The following TPP2 variants were observed in gnomAD, a reference collection of about 807,000 sequenced individuals.
The protein encoded by TPP2 is tripeptidyl peptidase 2.
In TPP2, 34 loss-of-function variants were observed where a neutral mutation model predicts 155.9. That is an observed-to-expected ratio of 0.22 (90% CI 0.17 to 0.29). TPP2 has a LOEUF of 0.29. Ranked by LOEUF, TPP2 falls within the 10% of genes least tolerant of loss-of-function variation. The pLI, the probability that TPP2 is intolerant of heterozygous loss-of-function variation, is 1.00. For missense variants in TPP2, 1,028 were observed against 1,522.3 expected, an observed-to-expected ratio of 0.68 and a Z score of 5.40; for synonymous variants, 510 against 529.4, an observed-to-expected ratio of 0.96 and a Z score of 0.50.
chr13:102,603,831 G>A (rs1879612059), intron 1 of TPP2, among the ~76,000 whole-genome samples: 1 of 151,894 alleles, frequency 6.6e-6, no homozygotes, highest in Admixed American at 6.5e-5. Flanking sequence ...CACTCAGCCT[G>A]TATTACTTTT....
chr13:102,672,038 T>G (rs959433586), intron 27 of TPP2, among the ~76,000 whole-genome samples: 1 of 152,150 alleles, frequency 6.6e-6, no homozygotes, highest in Non-Finnish European at 1.5e-5. Context: ...TCTCTTCACC[T>G]TCATTTTCGA....
chr13:102,624,284 G>A (rs933279049), intron 6 of TPP2, among the ~76,000 whole-genome samples: 1 of 152,118 alleles, frequency 6.6e-6, no homozygotes, highest in Non-Finnish European at 1.5e-5. Context: ...TCCCAGGGTA[G>A]GGGGAAAAAG....
Position 102,645,026 on chromosome 13 carries a change from T to C in TPP2, c.2393+17T>C. 1.2e-6 allele frequency: 2 copies of C among 1,607,790 alleles called. No homozygotes were observed. Among genetic ancestry groups the C allele is most frequent in the Non-Finnish European group, 1.7e-6 (2 of 1,175,046 alleles). ...AACACTGCGGTATCATTCAATGTTT[T>C]AGGAACTACAGATATTGAATATAGA... On this transcript the variant is annotated intron_variant, in intron 19 of 29. Transcript: ENST00000376052.
chr13:102,674,311 G>T lies in TPP2; in HGVS notation c.3400G>T (p.Val1134Leu), dbSNP rs375137754. 6.2e-7 allele frequency: 1 copy of T among 1,613,600 alleles called. No individual in the cohort carries two copies. The highest frequency in any genetic ancestry group is 2.2e-5 in the East Asian group (1 of 44,870). The change falls in exon 28 of 30, where the codon GTA (valine) becomes TTA (leucine). Residue 1134 changes from valine (V) to leucine (L), a missense_variant. Physicochemically the swap from Val to Leu is conservative, Grantham distance 32. Transcript: ENST00000376052. ...CATGGACAAACAAAAATCCACCCTCGTAGATGCCCTTTGTAGGAAAGGTTG... is the reference window on the plus strand; with the variant it reads ...CATGGACAAACAAAAATCCACCCTCTTAGATGCCCTTTGTAGGAAAGGTTG... ...NDMDKQKSTL[V>L]DALCRKGCAL... is the part of the protein sequence containing the mutation.
At position 102,604,928 on chromosome 13, in the gene TPP2, C is replaced by A. The variant is rs765360360; in HGVS notation, c.294+7C>A. Reference sequence around the variant, plus strand: ...TTCAGGAAGAGTGCTTAAGGTGAGACCTTTTGTCTTCTTTTTGAATTTTTT... The same window carrying A: ...TTCAGGAAGAGTGCTTAAGGTGAGAACTTTTGTCTTCTTTTTGAATTTTTT... On this transcript the variant is annotated splice_region_variant and intron_variant, in intron 2 of 29. Transcript: ENST00000376052. 1.3e-6 allele frequency: 2 copies of A among 1,598,244 alleles called. No homozygotes were observed. The highest frequency in any genetic ancestry group is 2.7e-5 in the African/African-American group (2 of 73,600).
chr13:102,642,602 G>C (rs528413700), intron 16 of TPP2, among the ~76,000 whole-genome samples: 18 of 152,170 alleles, frequency 1.2e-4, no homozygotes, highest in African/African-American at 3.9e-4. Flanking sequence ...TATGAGCCAC[G>C]GCATTGCGCC....
rs982541083 is a variant in TPP2 at position 102,608,337 on chromosome 13, G to A, written c.294+3416G>A. 9.2e-5 allele frequency among the ~76,000 whole-genome samples: 14 copies of A among 151,920 alleles called. 1 individual carries two copies. In the South Asian group the frequency reaches 1.5e-3, roughly 16 times the overall value. On this transcript the variant is annotated intron_variant, in intron 2 of 29. Transcript: ENST00000376052. Reference sequence around the variant, plus strand: ...TCTTTACTTGTAGAATTAATATGTGGAAGAAGAGAGTTTAATTCTCAGGTC... The same window carrying A: ...TCTTTACTTGTAGAATTAATATGTGAAAGAAGAGAGTTTAATTCTCAGGTC...
intron 7 of TPP2, 51 bp from the exon 8 acceptor site, chr13:102,627,797 A>G (rs777485625): frequency 3.3e-5 from 45 of 1,368,414 alleles, no homozygotes; most frequent in Non-Finnish European, 4.5e-5. Flanking sequence ...TTACTGGCTA[A>G]TCTGTTTCTG....
At chr13:102,673,163 C>T (rs1218634246) in intron 27 of TPP2, among the ~76,000 whole-genome samples, 2 of 152,174 alleles carry the variant, frequency 1.3e-5, no homozygotes, top group Admixed American at 6.5e-5. Context: ...CCCTGCCATG[C>T]GGCCTCTTAG....
intron 10 of TPP2, among the ~76,000 whole-genome samples, chr13:102,633,104 A>G (rs1485215661): frequency 2.0e-5 from 3 of 152,220 alleles, no homozygotes; most frequent in Admixed American, 1.3e-4. Context: ...TCTGTGGGGA[A>G]TGTATGGCCA....
intron 15 of TPP2, among the ~76,000 whole-genome samples, chr13:102,639,692 G>A (rs971800077): frequency 2.0e-5 from 3 of 152,180 alleles, no homozygotes; most frequent in African/African-American, 7.2e-5. Context: ...TCATTTAACC[G>A]TTTGTCCTAC....
intron 1 of TPP2, among the ~76,000 whole-genome samples, chr13:102,600,514 T>C (rs544141544): frequency 6.2e-4 from 94 of 152,324 alleles, no homozygotes; most frequent in African/African-American, 2.1e-3. Context: ...TTTGCTGTTA[T>C]AGCAATTTGC....
rs199620677 is a variant in TPP2 at position 102,596,994 on chromosome 13, C to G, written c.-45C>G. Reference sequence around the variant, plus strand: ...GGTGTCCTCGCGCTGCTAGTCCGCGCGCAGCCTGGCAGTTTGCCGCTTCCT... The same window carrying G: ...GGTGTCCTCGCGCTGCTAGTCCGCGGGCAGCCTGGCAGTTTGCCGCTTCCT... On this transcript the variant is annotated 5_prime_UTR_variant, in exon 1 of 30. Coordinates refer to ENST00000376052, the MANE Select transcript of TPP2 (RefSeq NM_001330588.2). The G allele has an allele frequency of 1.3e-6, 2 of 1,597,834 alleles. No homozygotes were observed. Among genetic ancestry groups the G allele is most frequent in the African/African-American group, 2.7e-5 (2 of 73,138 alleles).
chr13:102,640,426 A>G (rs1194541770), intron 16 of TPP2, 50 bp downstream of exon 16: 1 of 1,432,636 alleles, frequency 7.0e-7, no homozygotes, highest in Non-Finnish European at 9.8e-7. Context: ...TTACGTTCTA[A>G]TGACTATAGC....
chr13:102,618,551 T>C (rs1258391342), intron 4 of TPP2, among the ~76,000 whole-genome samples, 171 bp from the exon 5 acceptor site: 1 of 152,232 alleles, frequency 6.6e-6, no homozygotes, highest in Non-Finnish European at 1.5e-5. Context: ...TTAATGGGTA[T>C]CTGCTTCATT....
At position 102,597,257 on chromosome 13, in the gene TPP2, G is replaced by T. The variant is rs572270313; in HGVS notation, c.165+54G>T. ...GGGGGCGCGGGCGGCCGGGGACGCG[G>T]GTGGGGACACAGTCTCGGAGCCCGG... On this transcript the variant is annotated intron_variant, in intron 1 of 29. Coordinates refer to ENST00000376052, the MANE Select transcript of TPP2 (RefSeq NM_001330588.2). 2,342 of 1,076,752 alleles carry T rather than the reference G, an allele frequency of 2.2e-3. 30 individuals carry two copies. In the African/African-American group the frequency reaches 0.035, roughly 16 times the overall value. The allele number at this position is 1,076,752 out of a possible 1,614,324, so 66.7% of individuals were successfully genotyped here. A position where few individuals can be genotyped will look rare whatever the true frequency, so the allele number is the denominator to read the frequency against.
In TPP2 at chr13:102,623,534, G is replaced by T. The variant is rs1305561648; in HGVS notation, c.784+494G>T. Among the ~76,000 whole-genome samples, 4 of 152,190 alleles carry T rather than the reference G, an allele frequency of 2.6e-5. No individual in the cohort carries two copies. The East Asian group carries it at 7.7e-4, about 29-fold the overall frequency. On this transcript the variant is annotated intron_variant, in intron 6 of 29. Coordinates refer to ENST00000376052, the MANE Select transcript of TPP2 (RefSeq NM_001330588.2). ...GCCGAGATCGTGCCATTGCACTCCA[G>T]CCTGGGCAACAAGAGCGAAACTCCA...
intron 2 of TPP2, among the ~76,000 whole-genome samples, chr13:102,610,670 C>G (rs540212958): frequency 6.6e-6 from 1 of 152,322 alleles, no homozygotes; most frequent in Non-Finnish European, 1.5e-5. Flanking sequence ...GCCTCATTCT[C>G]TAAGGATGAT....
chr13:102,668,144 A>G (rs1884731233), intron 27 of TPP2, among the ~76,000 whole-genome samples: 1 of 152,190 alleles, frequency 6.6e-6, no homozygotes, highest in East Asian at 1.9e-4. Context: ...TGGTTTTTGG[A>G]GACAGGAGTA....
Sources: allele counts gnomAD v4.1 joint callset (sites outside exome capture counted in the v4.1 genomes callset), GRCh38; gene constraint gnomAD v4.1.1; transcripts MANE v1.5; gene names NCBI Gene and HGNC (gene_info 2026-07-23, HGNC 2026-07-21).